The following LRP1B variants were observed in gnomAD, a reference collection of about 807,000 sequenced individuals.
LRP1B encodes LDL receptor related protein 1B.
In LRP1B, 217 loss-of-function variants were observed where a neutral mutation model predicts 556.6. The observed-to-expected ratio is 0.39, with a 90% CI of 0.35 to 0.44. The LOEUF (loss-of-function observed/expected upper bound fraction) is 0.44. Among genes scored for constraint, LRP1B ranks in the 20% least tolerant of loss-of-function variants. The probability of loss-of-function intolerance (pLI) is 1.00; values close to 1 mark genes in which losing one functional copy is unlikely to be tolerated. For missense variants in LRP1B, 5,053 were observed against 5,620.8 expected (o/e 0.90, Z 3.23); for synonymous variants, 2,047 against 1,865.8 (o/e 1.10, Z -2.50).
intron 7 of LRP1B, among the ~76,000 whole-genome samples, chr2:141,098,183 C>T (rs1700366936): frequency 6.6e-6 from 1 of 152,136 alleles, no homozygotes; most frequent in Non-Finnish European, 1.5e-5. Context: ...TGTGTCTCTA[C>T]TTTCTATGGT....
chr2:141,241,221 G>T (rs73962872), intron 5 of LRP1B, among the ~76,000 whole-genome samples: 1 of 152,072 alleles, frequency 6.6e-6, no homozygotes, highest in African/African-American at 2.4e-5. Flanking sequence ...CAGAAAAGAT[G>T]TAGAGTAAAA....
intron 3 of LRP1B, among the ~76,000 whole-genome samples, chr2:141,254,846 G>C (rs1684400623): frequency 6.6e-6 from 1 of 151,870 alleles, no homozygotes; most frequent in South Asian, 2.1e-4. Flanking sequence ...CAATCTGTTT[G>C]GTCTCCCGCT....
At chr2:141,448,891 T>A (rs1250331671) in intron 3 of LRP1B, among the ~76,000 whole-genome samples, 1 of 152,224 alleles carries the variant, frequency 6.6e-6, no homozygotes, top group Non-Finnish European at 1.5e-5. Flanking sequence ...GAAGTTTCCA[T>A]CTTCAGAGTT....
intron 1 of LRP1B, among the ~76,000 whole-genome samples, chr2:142,084,949 C>A (rs1705857788): frequency 6.6e-6 from 1 of 152,142 alleles, no homozygotes; most frequent in African/African-American, 2.4e-5. Flanking sequence ...GCATATCTGA[C>A]CTTTTTAGTC....
At chr2:140,365,976 C>T (rs1382889096) in intron 71 of LRP1B, among the ~76,000 whole-genome samples, 1 of 151,678 alleles carries the variant, frequency 6.6e-6, no homozygotes, top group East Asian at 1.9e-4. Flanking sequence ...GATCAAATAA[C>T]TCTTCTTGCT....
chr2:141,317,775 T>C (rs1476484265), intron 3 of LRP1B, among the ~76,000 whole-genome samples: 1 of 152,162 alleles, frequency 6.6e-6, no homozygotes, highest in Admixed American at 6.5e-5. Flanking sequence ...TTAATAATTG[T>C]ACAGAAAGTT....
At chr2:140,688,426 T>C (rs897335398) in intron 41 of LRP1B, among the ~76,000 whole-genome samples, 1 of 151,952 alleles carries the variant, frequency 6.6e-6, no homozygotes, top group African/African-American at 2.4e-5. Context: ...GTGATTATCA[T>C]AATCTACTAT....
At chr2:140,654,447 GTTATT>G (rs1464325198) in intron 41 of LRP1B, among the ~76,000 whole-genome samples, 1 of 152,260 alleles carries the variant, frequency 6.6e-6, no homozygotes, top group Non-Finnish European at 1.5e-5. Context: ...TTCTTTATCA[GTTATT>G]TTAAAGACTG....
chr2:141,393,795 T>C lies in LRP1B; in HGVS notation c.343+86601A>G, dbSNP rs1041309453. On this transcript the variant is annotated intron_variant, in intron 3 of 90. Transcript: ENST00000389484. ...TCAAAAAGCCCTCAAAAAGCAGAGTTATACAAAGCAAAAATAGAAAAATAG... is the reference window on the plus strand; with the variant it reads ...TCAAAAAGCCCTCAAAAAGCAGAGTCATACAAAGCAAAAATAGAAAAATAG... 2.0e-5 allele frequency among the ~76,000 whole-genome samples: 3 copies of C among 152,162 alleles called. No individual in the cohort carries two copies. In the South Asian group the frequency reaches 6.2e-4, roughly 32 times the overall value.
chr2:141,584,579 A>T (rs868052453), intron 2 of LRP1B, among the ~76,000 whole-genome samples: 8 of 152,206 alleles, frequency 5.3e-5, no homozygotes, highest in Admixed American at 1.3e-4. Context: ...ATTAATGAAC[A>T]GTTGTATAAT....
chr2:141,419,154 A>T (rs1680047102), intron 3 of LRP1B, among the ~76,000 whole-genome samples: 1 of 152,136 alleles, frequency 6.6e-6, no homozygotes, highest in African/African-American at 2.4e-5. Flanking sequence ...TAGAAGAATA[A>T]CAGTGGGCAT....
chr2:140,965,666 A>G (rs79916149), intron 18 of LRP1B, among the ~76,000 whole-genome samples: 1 of 151,994 alleles, frequency 6.6e-6, no homozygotes, highest in Admixed American at 6.6e-5. Flanking sequence ...TTAACTCGTC[A>G]TTTACATTAG....
At chr2:140,470,671 AAAT>A (rs1299826733) in intron 60 of LRP1B, among the ~76,000 whole-genome samples, 2 of 146,178 alleles carry the variant, frequency 1.4e-5, no homozygotes, top group African/African-American at 2.5e-5. Context: ...AAAAAAAAAA[AAAT>A]GGCAAAGATT....
chr2:141,297,490 G>C (rs1258360001), intron 3 of LRP1B, among the ~76,000 whole-genome samples: 1 of 152,108 alleles, frequency 6.6e-6, no homozygotes, highest in East Asian at 1.9e-4. Flanking sequence ...AATCTTAAAG[G>C]TTAACTATTC....
At chr2:140,357,672 C>T (rs1486070817) in intron 74 of LRP1B, among the ~76,000 whole-genome samples, 1 of 151,410 alleles carries the variant, frequency 6.6e-6, no homozygotes, top group Non-Finnish European at 1.5e-5. Context: ...AAACTTAACA[C>T]TAAATTTGTA....
At chr2:141,874,401 C>CAAATG (rs10682806) in intron 1 of LRP1B, among the ~76,000 whole-genome samples, 151,918 of 151,918 alleles carry the variant, frequency 1, 75,959 homozygotes, top group Non-Finnish European at 1. Flanking sequence ...AATGACAAAC[C>CAAATG]AAATAAGATG....
chr2:140,342,649 G>T (rs1436714307), intron 77 of LRP1B, among the ~76,000 whole-genome samples: 1 of 151,430 alleles, frequency 6.6e-6, no homozygotes, highest in Admixed American at 6.6e-5. Flanking sequence ...CAAAGAATAG[G>T]ATGGGGACTC....
intron 1 of LRP1B, among the ~76,000 whole-genome samples, chr2:142,010,432 T>G (rs191137567): frequency 1.3e-5 from 2 of 151,230 alleles, no homozygotes; most frequent in Non-Finnish European, 2.9e-5. Context: ...CGGGTGCCTG[T>G]AGTCTCAGCT....
intron 1 of LRP1B, among the ~76,000 whole-genome samples, chr2:141,936,163 A>G (rs1436017849): frequency 6.6e-6 from 1 of 152,150 alleles, no homozygotes; most frequent in Non-Finnish European, 1.5e-5. Flanking sequence ...CAGACACAAG[A>G]TATGTTTTTT....
Sources: gnomAD v4.1 joint callset for allele counts (sites outside exome capture counted in the v4.1 genomes callset) on GRCh38, gnomAD v4.1.1 for gene constraint, MANE v1.5 for transcripts, NCBI Gene and HGNC (gene_info 2026-07-23, HGNC 2026-07-21) for gene names.